C2CD5: variants seen among roughly 807,000 people sequenced by gnomAD.
C2CD5 encodes C2 calcium dependent domain containing 5, also known as C2 domain-containing protein 5.
In C2CD5, 109 loss-of-function variants were observed where a neutral mutation model predicts 130.3. The observed-to-expected ratio is 0.84, with a 90% CI of 0.72 to 0.98. C2CD5 has a LOEUF of 0.98. Ranked by LOEUF, C2CD5 falls within the 50% of genes least tolerant of loss-of-function variation. C2CD5 has a pLI of 0.00. For synonymous variants in C2CD5, 454 were observed against 429.2 expected (o/e 1.06, Z -0.71); for missense variants, 996 against 1,261.8 (o/e 0.79, Z 3.19).
chr12:22,503,660 T>C (rs748486734), intron 10 of C2CD5, among the ~76,000 whole-genome samples: 2 of 151,992 alleles, frequency 1.3e-5, no homozygotes, highest in African/African-American at 2.4e-5. Flanking sequence ...ACAGACAATG[T>C]ACCACCAGGC....
At position 22,512,686 on chromosome 12, in the gene C2CD5, A is replaced by C. The variant is rs745570164; in HGVS notation, c.1038+608T>G. ...ACCTATGAGGCGATCCTCCCTTAGC[A>C]ATGAAGTTTATTTAAAAAAAAAAAA... On this transcript the variant is annotated intron_variant, in intron 9 of 26. Transcript: ENST00000446597. The C allele has an allele frequency of 1.0e-5, 15 of 1,486,132 alleles. No individual in the cohort carries two copies. The South Asian group carries it at 2.0e-4, about 20-fold the overall frequency. The allele number at this position is 1,486,132 out of a possible 1,614,324, so 92.1% of individuals were successfully genotyped here. A position where few individuals can be genotyped will look rare whatever the true frequency, so the allele number is the denominator to read the frequency against.
In C2CD5 at chr12:22,544,448, G is replaced by A. The variant is rs190633600; in HGVS notation, c.-158C>T. 1.8e-4 allele frequency: 50 copies of A among 271,298 alleles called. 1 individual carries two copies. In the East Asian group the frequency reaches 1.9e-3, roughly 10 times the overall value. The allele number at this position is 271,298 out of a possible 1,614,324, so 16.8% of individuals were successfully genotyped here. ...AGGCTGGGACGAAAAGCAAAACCCA[G>A]TCAGCATCCCGTTGAGCCTCTGCCG... On this transcript the variant is annotated 5_prime_UTR_variant, in exon 1 of 27. Coordinates refer to ENST00000446597, the MANE Select transcript of C2CD5 (RefSeq NM_001286176.2).
intron 8 of C2CD5, among the ~76,000 whole-genome samples, chr12:22,515,957 T>C (rs1949677376): frequency 6.6e-6 from 1 of 151,736 alleles, no homozygotes; most frequent in African/African-American, 2.4e-5. Flanking sequence ...AATAAAACCT[T>C]GTAAATGTCA....
intron 26 of C2CD5, among the ~76,000 whole-genome samples, chr12:22,453,196 G>A (rs1939073696): frequency 6.6e-6 from 1 of 151,950 alleles, no homozygotes; most frequent in African/African-American, 2.4e-5. Context: ...CTGCTCTTAG[G>A]GGAGTCACTT....
intron 22 of C2CD5, among the ~76,000 whole-genome samples, chr12:22,467,819 T>C (rs77746666): frequency 0.01 from 1,525 of 152,330 alleles, 32 homozygotes; most frequent in African/African-American, 0.035. Flanking sequence ...AAAATATCAT[T>C]TGGATACCGT....
chr12:22,514,510 A>C (rs1949514926), intron 8 of C2CD5, among the ~76,000 whole-genome samples: 1 of 152,144 alleles, frequency 6.6e-6, no homozygotes, highest in South Asian at 2.1e-4. Context: ...AAAATAGAGC[A>C]GAAAAATTTA....
intron 12 of C2CD5, among the ~76,000 whole-genome samples, chr12:22,486,854 C>T (rs1945598238): frequency 6.6e-6 from 1 of 152,024 alleles, no homozygotes; most frequent in South Asian, 2.1e-4. Context: ...GCAATTATTA[C>T]TCAATATTGT....
intron 11 of C2CD5, 92 bp downstream of exon 11, chr12:22,493,131 A>C: frequency 1.4e-6 from 1 of 723,018 alleles, no homozygotes; most frequent in Non-Finnish European, 2.3e-6. Context: ...ACACTTCGCT[A>C]TTCTCTTTTC....
chr12:22,530,109 T>TACACAC (rs1346617859), intron 3 of C2CD5, among the ~76,000 whole-genome samples: 38 of 106,678 alleles, frequency 3.6e-4, no homozygotes, highest in African/African-American at 1.7e-3. Flanking sequence ...TATATATATA[T>TACACAC]ATACACACAC....
rs377022594 is a variant in C2CD5 at position 22,449,936 on chromosome 12, T to C, written c.3025-45A>G. Reference sequence around the variant, plus strand: ...GACAGGTTCAGTTATACTCAACACATTCATACTCTTCTGTTACATAAGGGG... The same window carrying C: ...GACAGGTTCAGTTATACTCAACACACTCATACTCTTCTGTTACATAAGGGG... On this transcript the variant is annotated intron_variant, in intron 26 of 26. Transcript: ENST00000446597. 3.1e-4 allele frequency: 472 copies of C among 1,517,306 alleles called. 4 individuals are homozygous for C. In the African/African-American group the frequency reaches 5.5e-3, roughly 18 times the overall value. 94.0% of individuals were successfully genotyped at this position (1,517,306 alleles called of 1,614,324 possible). A position where few individuals can be genotyped will look rare whatever the true frequency, so the allele number is the denominator to read the frequency against.
chr12:22,484,902 T>TA lies in C2CD5; in HGVS notation c.1359-15dup. ...TTTTCTTCAAGCCTATATAAATAAA[T>TA]AAAAAAATAAGATATTCTTTAAAAA... is the stretch of plus-strand genomic sequence containing the variant. On this transcript the variant is annotated splice_polypyrimidine_tract_variant and intron_variant, in intron 12 of 26. Coordinates refer to ENST00000446597, the MANE Select transcript of C2CD5 (RefSeq NM_001286176.2). 1.5e-6 allele frequency: 2 copies of TA among 1,295,688 alleles called. No homozygotes were observed. The highest frequency in any genetic ancestry group is 2.1e-6 in the Non-Finnish European group (2 of 966,992). 80.3% of individuals were successfully genotyped at this position (1,295,688 alleles called of 1,614,324 possible). A position where few individuals can be genotyped will look rare whatever the true frequency, so the allele number is the denominator to read the frequency against.
At chr12:22,533,775 T>C (rs1951544222) in intron 3 of C2CD5, among the ~76,000 whole-genome samples, 1 of 152,192 alleles carries the variant, frequency 6.6e-6, no homozygotes, top group African/African-American at 2.4e-5. Context: ...CATGAGCCAT[T>C]TGAACATAAC....
chr12:22,451,362 A>G (rs1938565139), intron 26 of C2CD5, among the ~76,000 whole-genome samples: 1 of 152,298 alleles, frequency 6.6e-6, no homozygotes, highest in African/African-American at 2.4e-5. Flanking sequence ...CATATTTTTA[A>G]TATTTTATTT....
At chr12:22,458,190 AAG>A (rs1240992233) in intron 24 of C2CD5, among the ~76,000 whole-genome samples, 1 of 152,180 alleles carries the variant, frequency 6.6e-6, no homozygotes, top group Non-Finnish European at 1.5e-5. Flanking sequence ...TCTTTTCAAT[AAG>A]AGAGTTGGCA....
intron 7 of C2CD5, among the ~76,000 whole-genome samples, 184 bp from the exon 8 acceptor site, chr12:22,518,321 T>A (rs559248675): frequency 6.6e-6 from 1 of 152,198 alleles, no homozygotes; most frequent in South Asian, 2.1e-4. Context: ...TCCAGATAAA[T>A]ATTATCTGCA....
intron 22 of C2CD5, chr12:22,463,996 T>C (rs1439065506): frequency 1.3e-5 from 2 of 152,236 alleles, no homozygotes; most frequent in Non-Finnish European, 2.9e-5. Context: ...TGATTAGTTA[T>C]GCTTTATAAG....
rs564740633 is a variant in C2CD5, at chr12:22,542,118, A to G, written c.90+1943T>C. Among the ~76,000 whole-genome samples, 7 of 152,348 alleles carry G rather than the reference A, an allele frequency of 4.6e-5. No individual in the cohort carries two copies. The South Asian group carries it at 1.4e-3, about 32-fold the overall frequency. ...TCCCACATATTACCTGGATAATTTT[A>G]CCACCTTCTTAACTGATCTCCCTGC... On this transcript the variant is annotated intron_variant, in intron 2 of 26. Coordinates refer to ENST00000446597, the MANE Select transcript of C2CD5 (RefSeq NM_001286176.2).
At chr12:22,489,841 A>G (rs747222895) in intron 12 of C2CD5, among the ~76,000 whole-genome samples, 26 of 152,118 alleles carry the variant, frequency 1.7e-4, no homozygotes, top group Non-Finnish European at 3.4e-4. Context: ...TTTCTATATC[A>G]TGACAAAGCA....
chr12:22,518,051 G>C lies in C2CD5; in HGVS notation c.887C>G (p.Pro296Arg). Residue 296 changes from proline (P) to arginine (R), a missense_variant, in exon 8 of 27, where the codon CCT (proline) becomes CGT (arginine). By Grantham distance (103) the Pro-to-Arg change is moderately radical (BLOSUM62 -2). Around this residue, in one of 9 missense-constraint regions of C2CD5, gnomAD observed 156 missense variants for 165.9 expected, o/e 0.94. Transcript: ENST00000446597. ...GGACTGTCGACTGTAGGACTTGGAA[G>C]GTGAAAAGGAATAAGTTTGGTTTTT... ...PLKNQTYSFS[P>R]SKSYSRQSSS... is the part of the protein sequence containing the mutation. 2 of 1,613,914 alleles carry C rather than the reference G, an allele frequency of 1.2e-6. No homozygotes were observed. The highest frequency in any genetic ancestry group is 1.7e-6 in the Non-Finnish European group (2 of 1,179,830).
Sources: gnomAD v4.1 joint callset for allele counts (sites outside exome capture counted in the v4.1 genomes callset) on GRCh38, gnomAD v4.1.1 for gene constraint, gnomAD v4.1.1 regional missense constraint, MANE v1.5 for transcripts, NCBI Gene and HGNC (gene_info 2026-07-23, HGNC 2026-07-21) for gene names.